The following SH3RF3 variants were observed in gnomAD, a reference collection of about 807,000 sequenced individuals.
The protein encoded by SH3RF3 is E3 ubiquitin-protein ligase SH3RF3.
A neutral mutation model predicts 66.3 loss-of-function variants in SH3RF3; 29 were observed. The observed-to-expected ratio is 0.44, with a 90% CI of 0.33 to 0.60. SH3RF3 has a LOEUF of 0.60. SH3RF3 is among the 20% of genes least tolerant of loss of function. The probability of loss-of-function intolerance (pLI) is 0.04; values close to 1 mark genes in which losing one functional copy is unlikely to be tolerated. For missense variants in SH3RF3, 1,194 were observed against 1,190.9 expected (o/e 1.00, Z -0.04); for synonymous variants, 583 against 532.0 (o/e 1.10, Z -1.32).
chr2:109,388,850 A>G (rs1190836651), intron 3 of SH3RF3, among the ~76,000 whole-genome samples: 1 of 151,936 alleles, frequency 6.6e-6, no homozygotes, highest in African/African-American at 2.4e-5. Context: ...AGAAGGGGGT[A>G]TAGAGACGGG....
intron 1 of SH3RF3, among the ~76,000 whole-genome samples, chr2:109,249,972 C>CCGCG (rs1016674119): frequency 2.0e-4 from 31 of 151,830 alleles, no homozygotes; most frequent in African/African-American, 7.5e-4. Context: ...GCGTGAGCCA[C>CCGCG]CGCGCCCGGC....
chr2:109,362,336 A>G lies in SH3RF3; in HGVS notation c.850-9250A>G, dbSNP rs145663974. Among the ~76,000 whole-genome samples, 969 of 152,276 alleles carry G rather than the reference A, an allele frequency of 6.4e-3. 10 individuals are homozygous for G. The highest frequency in any genetic ancestry group is 0.048 in the East Asian group (250 of 5,186). On this transcript the variant is annotated intron_variant, in intron 2 of 9. Transcript: ENST00000309415. ...TTTCTAAGACCCAAGTGTTACTTGG[A>G]AGTATGTTGTTAAATCTCCAAGTAT...
chr2:109,365,562 T>C (rs1052219183), intron 2 of SH3RF3, among the ~76,000 whole-genome samples: 14 of 152,202 alleles, frequency 9.2e-5, no homozygotes, highest in African/African-American at 3.4e-4. Flanking sequence ...GCTTCTTACG[T>C]TCTAGACTGG....
chr2:109,351,922 C>G (rs1488824947), intron 2 of SH3RF3, among the ~76,000 whole-genome samples: 2 of 152,206 alleles, frequency 1.3e-5, no homozygotes, highest in African/African-American at 2.4e-5. Flanking sequence ...GAAGTCTTAC[C>G]TTTGTGAATT....
At chr2:109,411,235 C>T (rs868747432) in intron 4 of SH3RF3, among the ~76,000 whole-genome samples, 7 of 152,186 alleles carry the variant, frequency 4.6e-5, no homozygotes, top group South Asian at 2.1e-4. Flanking sequence ...CCAGGCAGTG[C>T]GCAGCTCAGG....
intron 1 of SH3RF3, among the ~76,000 whole-genome samples, chr2:109,293,936 C>G (rs1681247712): frequency 6.6e-6 from 1 of 152,200 alleles, no homozygotes; most frequent in Non-Finnish European, 1.5e-5. Flanking sequence ...GGCCGGCGCC[C>G]TCCTCTATGT....
In SH3RF3 at chr2:109,347,655, T is replaced by A. The variant is rs764029644; in HGVS notation, c.574-19T>A. The A allele has an allele frequency of 6.2e-7, 1 of 1,611,030 alleles. No individual in the cohort carries two copies. The highest frequency in any genetic ancestry group is 1.1e-5 in the South Asian group (1 of 90,822). On this transcript the variant is annotated intron_variant, in intron 1 of 9. Transcript: ENST00000309415. The stretch of plus-strand genomic sequence containing the variant: ...GGAAGGGGCATGCCCGGTGACCACA[T>A]GCTGTCTGTTGCTTGCAGAATCCCT...
At chr2:109,135,013 C>T (rs1295734967) in intron 1 of SH3RF3, among the ~76,000 whole-genome samples, 1 of 152,214 alleles carries the variant, frequency 6.6e-6, no homozygotes, top group Non-Finnish European at 1.5e-5. Flanking sequence ...CTGATCCATA[C>T]TTGGTCTGCC....
chr2:109,316,511 T>C (rs1288673294), intron 1 of SH3RF3, among the ~76,000 whole-genome samples: 1 of 152,208 alleles, frequency 6.6e-6, no homozygotes, highest in Non-Finnish European at 1.5e-5. Flanking sequence ...TTATCACTCC[T>C]CTTAGAGATT....
chr2:109,169,921 T>G (rs912130100), intron 1 of SH3RF3, among the ~76,000 whole-genome samples: 1 of 152,156 alleles, frequency 6.6e-6, no homozygotes, highest in Non-Finnish European at 1.5e-5. Context: ...TATATTGAAG[T>G]GCAGAAGTAT....
At chr2:109,256,233 A>G (rs1680217869) in intron 1 of SH3RF3, among the ~76,000 whole-genome samples, 1 of 152,142 alleles carries the variant, frequency 6.6e-6, no homozygotes, top group Non-Finnish European at 1.5e-5. Context: ...ACAGTTGGAG[A>G]GCCTGCCATG....
intron 1 of SH3RF3, among the ~76,000 whole-genome samples, chr2:109,317,217 C>T (rs938412784): frequency 6.6e-6 from 1 of 151,854 alleles, no homozygotes; most frequent in African/African-American, 2.4e-5. Flanking sequence ...CCCCAGCTTA[C>T]CTCCCACCCG....
chr2:109,135,956 G>A (rs1676805942), intron 1 of SH3RF3, among the ~76,000 whole-genome samples: 1 of 152,164 alleles, frequency 6.6e-6, no homozygotes, highest in Non-Finnish European at 1.5e-5. Context: ...CCAGCCTGTT[G>A]GCAGGCTATC....
chr2:109,152,973 T>C (rs1406350023), intron 1 of SH3RF3, among the ~76,000 whole-genome samples: 1 of 152,200 alleles, frequency 6.6e-6, no homozygotes, highest in Non-Finnish European at 1.5e-5. Flanking sequence ...GTGAAGTCAT[T>C]GTTGTTATGA....
At chr2:109,214,702 A>G (rs1024335002) in intron 1 of SH3RF3, among the ~76,000 whole-genome samples, 2 of 152,172 alleles carry the variant, frequency 1.3e-5, no homozygotes, top group African/African-American at 4.8e-5. Context: ...CAGGACAATC[A>G]GAAGATGGGC....
intron 1 of SH3RF3, among the ~76,000 whole-genome samples, chr2:109,187,361 CTT>C (rs5833319): frequency 2.0e-5 from 3 of 150,326 alleles, no homozygotes; most frequent in East Asian, 1.9e-4. Flanking sequence ...CAACCACAGA[CTT>C]TTTTTTTTTA....
At chr2:109,305,052 GT>G in intron 1 of SH3RF3, among the ~76,000 whole-genome samples, 1 of 152,292 alleles carries the variant, frequency 6.6e-6, no homozygotes, top group South Asian at 2.1e-4. Context: ...GTTTGTTGCG[GT>G]TCCCCGTCTG....
chr2:109,251,138 G>C (rs532270844), intron 1 of SH3RF3, among the ~76,000 whole-genome samples: 1 of 152,140 alleles, frequency 6.6e-6, no homozygotes, highest in South Asian at 2.1e-4. Flanking sequence ...CAGTAGCTGG[G>C]ATTACAGGCA....
intron 1 of SH3RF3, among the ~76,000 whole-genome samples, chr2:109,274,208 A>G (rs1293498219): frequency 6.6e-6 from 1 of 152,216 alleles, no homozygotes; most frequent in East Asian, 1.9e-4. Context: ...AACAAACATT[A>G]TGGAGATTTG....
Sources: allele counts gnomAD v4.1 joint callset (sites outside exome capture counted in the v4.1 genomes callset), GRCh38; gene constraint gnomAD v4.1.1; transcripts MANE v1.5; gene names NCBI Gene and HGNC (gene_info 2026-07-23, HGNC 2026-07-21).